The following PREX2 variants were observed in gnomAD, a reference collection of about 807,000 sequenced individuals.
The protein encoded by PREX2 is phosphatidylinositol-3,4,5-trisphosphate dependent Rac exchange factor 2.
PREX2 carries 107 observed loss-of-function variants against 203.2 expected under a neutral mutation model. The ratio of observed to expected loss-of-function variants is 0.53; its 90% CI spans 0.45 to 0.62. PREX2 has a LOEUF of 0.62. PREX2 is among the 20% of genes least tolerant of loss of function. The pLI is 0.00. For synonymous variants in PREX2, 672 were observed against 663.6 expected (o/e 1.01, Z -0.19); for missense variants, 1,777 against 1,955.9 (o/e 0.91, Z 1.72).
At chr8:68,199,244 G>A (rs1812457773) in intron 37 of PREX2, among the ~76,000 whole-genome samples, 1 of 152,110 alleles carries the variant, frequency 6.6e-6, no homozygotes, top group Non-Finnish European at 1.5e-5. Flanking sequence ...CATTACCATT[G>A]GTAAAACACA....
intron 1 of PREX2, 47 bp downstream of exon 1, chr8:67,952,582 C>T (rs758232761): frequency 6.3e-7 from 1 of 1,584,096 alleles, no homozygotes; most frequent in South Asian, 1.1e-5. Context: ...CGGCGCGGGG[C>T]GCGGGTCCCG....
intron 11 of PREX2, among the ~76,000 whole-genome samples, chr8:68,064,098 C>T (rs1808945082): frequency 5.9e-5 from 9 of 152,128 alleles, no homozygotes; most frequent in Admixed American, 5.9e-4. Context: ...TGAGAGAAAG[C>T]AGCGTATGCT....
At chr8:68,050,151 T>C (rs1332190478) in intron 8 of PREX2, among the ~76,000 whole-genome samples, 1 of 152,200 alleles carries the variant, frequency 6.6e-6, no homozygotes, top group African/African-American at 2.4e-5. Context: ...GGGAACATTA[T>C]TTCTTCATTT....
intron 37 of PREX2, among the ~76,000 whole-genome samples, chr8:68,198,929 G>A (rs1293051649): frequency 6.6e-6 from 1 of 152,208 alleles, no homozygotes; most frequent in Non-Finnish European, 1.5e-5. Context: ...CTTGAGTGCA[G>A]GCCTCATGCT....
At chr8:68,047,305 T>C (rs2129610972) in intron 8 of PREX2, among the ~76,000 whole-genome samples, 1 of 151,812 alleles carries the variant, frequency 6.6e-6, no homozygotes, top group East Asian at 1.9e-4. Flanking sequence ...TGCAGATGGA[T>C]CTCAGCAGAG....
At chr8:67,966,675 C>T (rs1805787633) in intron 1 of PREX2, among the ~76,000 whole-genome samples, 2 of 152,230 alleles carry the variant, frequency 1.3e-5, no homozygotes, top group South Asian at 4.1e-4. Context: ...AATTAATGTG[C>T]AAAACCAACT....
intron 3 of PREX2, 133 bp downstream of exon 3, chr8:68,019,804 C>A: frequency 2.6e-6 from 2 of 779,430 alleles, no homozygotes; most frequent in Non-Finnish European, 4.1e-6. Flanking sequence ...TCTTTTAAGG[C>A]CAATGAGATC....
At chr8:68,229,672 T>A (rs983965721) in intron 39 of PREX2, among the ~76,000 whole-genome samples, 1 of 152,292 alleles carries the variant, frequency 6.6e-6, no homozygotes, top group African/African-American at 2.4e-5. Flanking sequence ...AGTTACATTA[T>A]GTGGAAACGT....
chr8:68,093,129 G>A (rs1283666779), intron 20 of PREX2, among the ~76,000 whole-genome samples: 2 of 152,042 alleles, frequency 1.3e-5, no homozygotes, highest in African/African-American at 4.8e-5. Context: ...AGTAGCTCCT[G>A]CCTGTAATCC....
intron 8 of PREX2, among the ~76,000 whole-genome samples, chr8:68,045,723 C>T (rs1283330549): frequency 5.3e-5 from 8 of 152,000 alleles, no homozygotes; most frequent in Non-Finnish European, 1.2e-4. Flanking sequence ...TGTGGAGTTG[C>T]CAGACAGTTG....
chr8:68,119,157 G>A (rs1038023461), intron 27 of PREX2, among the ~76,000 whole-genome samples: 1 of 152,176 alleles, frequency 6.6e-6, no homozygotes, highest in Non-Finnish European at 1.5e-5. Flanking sequence ...TTTTGATTAT[G>A]CAGTTTATGT....
At chr8:68,059,119 C>T (rs1053206571) in intron 10 of PREX2, among the ~76,000 whole-genome samples, 9 of 152,084 alleles carry the variant, frequency 5.9e-5, no homozygotes, top group Non-Finnish European at 1.3e-4. Flanking sequence ...GAAATAATTT[C>T]CTGATGCAGT....
intron 8 of PREX2, among the ~76,000 whole-genome samples, chr8:68,052,598 T>C (rs2129611120): frequency 6.6e-6 from 1 of 152,316 alleles, no homozygotes; most frequent in Non-Finnish European, 1.5e-5. Context: ...CAATTTTAGG[T>C]AATTGCACTC....
At chr8:68,167,423 T>A (rs1212199915) in intron 35 of PREX2, among the ~76,000 whole-genome samples, 3 of 151,272 alleles carry the variant, frequency 2.0e-5, no homozygotes, top group Non-Finnish European at 2.9e-5. Flanking sequence ...AACCTCTGCC[T>A]CCCAGGTTCA....
chr8:68,104,012 G>A (rs776984460), intron 23 of PREX2, among the ~76,000 whole-genome samples: 19 of 152,012 alleles, frequency 1.2e-4, no homozygotes, highest in Non-Finnish European at 2.4e-4. Flanking sequence ...TCCTTCCCCT[G>A]CCCCACCCCA....
At chr8:68,216,077 G>A (rs1381615679) in intron 37 of PREX2, among the ~76,000 whole-genome samples, 4 of 152,198 alleles carry the variant, frequency 2.6e-5, no homozygotes, top group Admixed American at 6.5e-5. Flanking sequence ...AACAGCCAGT[G>A]GAACTTACAT....
At chr8:68,020,434 A>G (rs1165925364) in intron 3 of PREX2, among the ~76,000 whole-genome samples, 1 of 152,126 alleles carries the variant, frequency 6.6e-6, no homozygotes, top group Non-Finnish European at 1.5e-5. Flanking sequence ...AAAATGCTAG[A>G]CAATTAATGT....
rs539592444 is a variant in PREX2 at position 68,075,465 on chromosome 8, G to C, written c.1570-1932G>C. Among the ~76,000 whole-genome samples the C allele has an allele frequency of 5.9e-5, 9 of 152,268 alleles. No individual in the cohort carries two copies. In the South Asian group the frequency reaches 1.0e-3, roughly 18 times the overall value. ...GTACCCTCTAAAGCTCTGCTGCAGC[G>C]TCATCACCCCCAGGAAGCCTCGCCA... On this transcript the variant is annotated intron_variant, in intron 14 of 39. Transcript: ENST00000288368.
At chr8:68,195,509 T>G (rs1172518960) in intron 37 of PREX2, among the ~76,000 whole-genome samples, 1 of 152,202 alleles carries the variant, frequency 6.6e-6, no homozygotes, top group African/African-American at 2.4e-5. Flanking sequence ...AAGGCTATGC[T>G]TAGATTTTTC....
Sources: gnomAD v4.1 joint callset for allele counts (sites outside exome capture counted in the v4.1 genomes callset) on GRCh38, gnomAD v4.1.1 for gene constraint, MANE v1.5 for transcripts, NCBI Gene and HGNC (gene_info 2026-07-23, HGNC 2026-07-21) for gene names.